The following NUDT21 variants were observed in gnomAD, a reference collection of about 807,000 sequenced individuals.
NUDT21 encodes the protein cleavage and polyadenylation specificity factor subunit 5.
In NUDT21, 5 loss-of-function variants were observed where a neutral mutation model predicts 29.8. The observed-to-expected ratio is 0.17, with a 90% CI of 0.09 to 0.35. The LOEUF (loss-of-function observed/expected upper bound fraction) is 0.35. Ranked by LOEUF, NUDT21 falls within the 10% of genes least tolerant of loss-of-function variation. The pLI is 1.00. For synonymous variants in NUDT21, 113 were observed against 98.5 expected (o/e 1.15, Z -0.87); for missense variants, 76 against 276.0 (o/e 0.28, Z 5.13).
intron 3 of NUDT21, among the ~76,000 whole-genome samples, chr16:56,445,187 G>GA (rs1312546738): frequency 1.2e-3 from 170 of 140,900 alleles, no homozygotes; most frequent in African/African-American, 3.3e-3. Context: ...TTCGTCTCAA[G>GA]AAAAAAAAAA....
At chr16:56,433,001 T>C (rs1962053534) in intron 6 of NUDT21, among the ~76,000 whole-genome samples, 1 of 152,188 alleles carries the variant, frequency 6.6e-6, no homozygotes, top group Non-Finnish European at 1.5e-5. Flanking sequence ...CACTAATAAG[T>C]TCTTTAAGGC....
At chr16:56,450,940 G>A (rs2143951344) in intron 1 of NUDT21, 147 bp downstream of exon 1, 1 of 641,134 alleles carries the variant, frequency 1.6e-6, no homozygotes, top group South Asian at 1.8e-5. Context: ...AGGGGCCTGA[G>A]AGAGGGAGGA....
chr16:56,444,211 G>C (rs977414218), intron 3 of NUDT21, among the ~76,000 whole-genome samples: 2 of 152,094 alleles, frequency 1.3e-5, no homozygotes, highest in Non-Finnish European at 2.9e-5. Context: ...TTGAGCCCAG[G>C]AGTTTGTGGT....
chr16:56,447,986 G>A lies in NUDT21; in HGVS notation c.120C>T (p.Tyr40=), dbSNP rs145698949. ...TACCAAAAGTATAATTGGTAAGAGG[G>A]TACCTGTGATCCGAAGACAAACATC... ...PLTLERTINL[Y]PLTNYTFGTK... is the part of the protein sequence containing the mutation. The change falls in exon 2 of 7, where the codon TAC becomes TAT. Residue 40 remains tyrosine (Y), a synonymous_variant. Coordinates refer to ENST00000300291, the MANE Select transcript of NUDT21 (RefSeq NM_007006.3). The A allele has an allele frequency of 2.6e-4, 414 of 1,613,068 alleles. No homozygotes were observed. The highest frequency in any genetic ancestry group is 1.2e-3 in the Middle Eastern group (7 of 5,964).
At chr16:56,449,249 G>A (rs1431699559) in intron 1 of NUDT21, 1 of 152,188 alleles carries the variant, frequency 6.6e-6, no homozygotes, top group Non-Finnish European at 1.5e-5. Context: ...AAGGAGATGT[G>A]AAGATGAAAT....
intron 2 of NUDT21, 191 bp from the exon 3 acceptor site, chr16:56,446,880 A>C (rs1411312009): frequency 8.7e-6 from 4 of 458,956 alleles, no homozygotes; most frequent in African/African-American, 4.1e-5. Flanking sequence ...ACAGTATACA[A>C]ACCCTAGGTT....
intron 4 of NUDT21, among the ~76,000 whole-genome samples, chr16:56,435,750 T>TATATATATAG (rs1962094125): frequency 1.7e-5 from 1 of 58,954 alleles, no homozygotes; most frequent in African/African-American, 7.5e-5. Flanking sequence ...AAATTATATA[T>TATATATATAG]ATATATATAT....
intron 3 of NUDT21, among the ~76,000 whole-genome samples, chr16:56,443,420 C>T (rs1278480583): frequency 6.6e-6 from 1 of 152,076 alleles, no homozygotes; most frequent in African/African-American, 2.4e-5. Context: ...ATGATCCACC[C>T]GCCTTGGCCT....
rs527879053 is a variant in NUDT21, at chr16:56,438,887, C to T, written c.471+770G>A. 4.0e-5 allele frequency among the ~76,000 whole-genome samples: 6 copies of T among 151,832 alleles called. No individual in the cohort carries two copies. In the South Asian group the frequency reaches 1.0e-3, roughly 26 times the overall value. Reference sequence around the variant, plus strand: ...AAAGAAAATAGAAATAATCAGGATACGCGAACAGTGACTATATATTTGACA... The same window carrying T: ...AAAGAAAATAGAAATAATCAGGATATGCGAACAGTGACTATATATTTGACA... On this transcript the variant is annotated intron_variant, in intron 4 of 6. Transcript: ENST00000300291.
In NUDT21 at chr16:56,432,559, T is replaced by G. The variant is rs1489768568; in HGVS notation, c.*153A>C. On this transcript the variant is annotated 3_prime_UTR_variant, in exon 7 of 7. Transcript: ENST00000300291. Reference sequence around the variant, plus strand: ...TACACCACTATCTAGTTCTTCATATTAATTTTACTATTCAAACAATAGAAA... The same window carrying G: ...TACACCACTATCTAGTTCTTCATATGAATTTTACTATTCAAACAATAGAAA... 2.1e-6 allele frequency: 1 copy of G among 485,058 alleles called. No individual in the cohort carries two copies. The highest frequency in any genetic ancestry group is 3.1e-5 in the East Asian group (1 of 32,424). The allele number at this position is 485,058 out of a possible 1,614,324, so 30.0% of individuals were successfully genotyped here. A position where few individuals can be genotyped will look rare whatever the true frequency, so the allele number is the denominator to read the frequency against.
Position 56,429,159 on chromosome 16 carries a change from A to G in NUDT21, c.*3553T>C, listed in dbSNP as rs1962004199. ...TCTCTTTCAAATATTTTTTATTGAA[A>G]TGACAATAAAATAAAAAAAGAACAG... is the stretch of plus-strand genomic sequence containing the variant. On this transcript the variant is annotated 3_prime_UTR_variant, in exon 7 of 7. Coordinates refer to ENST00000300291, the MANE Select transcript of NUDT21 (RefSeq NM_007006.3). 6.6e-6 allele frequency: 1 copy of G among 152,238 alleles called. No individual in the cohort carries two copies. The highest frequency in any genetic ancestry group is 1.5e-5 in the Non-Finnish European group (1 of 68,042). 9.4% of individuals were successfully genotyped at this position (152,238 alleles called of 1,614,324 possible).
chr16:56,432,501 A>C lies in NUDT21; in HGVS notation c.*211T>G, dbSNP rs1962045421. 2.4e-6 allele frequency: 1 copy of C among 413,144 alleles called. No individual in the cohort carries two copies. The highest frequency in any genetic ancestry group is 4.4e-6 in the Non-Finnish European group (1 of 225,056). The allele number at this position is 413,144 out of a possible 1,614,324, so 25.6% of individuals were successfully genotyped here. On this transcript the variant is annotated 3_prime_UTR_variant, in exon 7 of 7. Coordinates refer to ENST00000300291, the MANE Select transcript of NUDT21 (RefSeq NM_007006.3). ...ATGTTGTACAAAAAAGTATGAGCAG[A>C]ACCGAAAGTAAATAAACATTATCAC...
Position 56,431,899 on chromosome 16 carries a change from T to C in NUDT21, c.*813A>G, listed in dbSNP as rs150707434. The C allele has an allele frequency of 3.9e-5, 6 of 152,350 alleles. No homozygotes were observed. The highest frequency in any genetic ancestry group is 2.0e-4 in the Admixed American group (3 of 15,302). The allele number at this position is 152,350 out of a possible 1,614,324, so 9.4% of individuals were successfully genotyped here. A position where few individuals can be genotyped will look rare whatever the true frequency, so the allele number is the denominator to read the frequency against. On this transcript the variant is annotated 3_prime_UTR_variant, in exon 7 of 7. Coordinates refer to ENST00000300291, the MANE Select transcript of NUDT21 (RefSeq NM_007006.3). The stretch of plus-strand genomic sequence containing the variant: ...ACACAACTTCAAGTTAATTGAATAT[T>C]TGTGCAATCTCAGAGTTCAAAACCT...
chr16:56,437,507 G>A (rs1962116316), intron 4 of NUDT21, among the ~76,000 whole-genome samples: 1 of 152,050 alleles, frequency 6.6e-6, no homozygotes, highest in Admixed American at 6.6e-5. Flanking sequence ...CTGATTTCGG[G>A]GCAGCTATGT....
intron 4 of NUDT21, among the ~76,000 whole-genome samples, chr16:56,436,866 G>A (rs752715545): frequency 3.3e-5 from 5 of 152,110 alleles, no homozygotes; most frequent in Non-Finnish European, 7.3e-5. Context: ...AATACCACCA[G>A]GGCCAACTCT....
At chr16:56,437,942 T>G (rs765222303) in intron 4 of NUDT21, among the ~76,000 whole-genome samples, 1 of 152,214 alleles carries the variant, frequency 6.6e-6, no homozygotes, top group African/African-American at 2.4e-5. Flanking sequence ...AAGTTTCTTT[T>G]TATATGAGGA....
At chr16:56,445,577 A>G (rs1962210066) in intron 3 of NUDT21, among the ~76,000 whole-genome samples, 1 of 152,192 alleles carries the variant, frequency 6.6e-6, no homozygotes, top group African/African-American at 2.4e-5. Context: ...TATACTCCAT[A>G]TATACTTTGA....
intron 3 of NUDT21, among the ~76,000 whole-genome samples, chr16:56,446,067 C>T (rs1261215997): frequency 6.6e-6 from 1 of 152,206 alleles, no homozygotes; most frequent in Non-Finnish European, 1.5e-5. Flanking sequence ...AAACAATTTA[C>T]AATCTCAAAA....
Position 56,439,644 on chromosome 16 carries a change from A to G in NUDT21, c.471+13T>C. On this transcript the variant is annotated intron_variant, in intron 4 of 6. Coordinates refer to ENST00000300291, the MANE Select transcript of NUDT21 (RefSeq NM_007006.3). ...GCTTCCAAAATGCCCAGCAAATGTA[A>G]CTGAACACTGACCTGAGGAGGTTCA... 1.3e-6 allele frequency: 2 copies of G among 1,569,536 alleles called. No individual in the cohort carries two copies. Among genetic ancestry groups the G allele is most frequent in the Non-Finnish European group, 1.8e-6 (2 of 1,139,294 alleles).
Sources: gnomAD v4.1 joint callset for allele counts (sites outside exome capture counted in the v4.1 genomes callset) on GRCh38, gnomAD v4.1.1 for gene constraint, MANE v1.5 for transcripts, NCBI Gene and HGNC (gene_info 2026-07-23, HGNC 2026-07-21) for gene names.